RELL1: variants seen among roughly 807,000 people sequenced by gnomAD.
RELL1 encodes the protein RELT like 1, also known as RELT-like protein 1.
A neutral mutation model predicts 23.0 loss-of-function variants in RELL1; 10 were observed. That is an observed-to-expected ratio of 0.43 (90% CI 0.27 to 0.74). RELL1 has a LOEUF of 0.74. Among genes scored for constraint, RELL1 ranks in the 30% least tolerant of loss-of-function variants. The pLI, the probability that RELL1 is intolerant of heterozygous loss-of-function variation, is 0.19. For missense variants in RELL1, 315 were observed against 364.4 expected, an observed-to-expected ratio of 0.86 and a Z score of 1.10; for synonymous variants, 146 against 146.8, an observed-to-expected ratio of 0.99 and a Z score of 0.04.
chr4:37,646,709 A>G lies in RELL1; in HGVS notation c.385+659T>C, dbSNP rs75784501. Among the ~76,000 whole-genome samples the G allele has an allele frequency of 5.3e-3, 804 of 152,158 alleles. 7 individuals carry two copies. Among genetic ancestry groups the G allele is most frequent in the African/African-American group, 0.018 (759 of 41,506 alleles). ...ATGTCCCAACAATGCTGTGAAGTAA[A>G]TATTATTATTATTATTGTTTCTTAT... On this transcript the variant is annotated intron_variant, in intron 3 of 6. Coordinates refer to ENST00000454158, the MANE Select transcript of RELL1 (RefSeq NM_001085400.2).
chr4:37,628,163 G>T (rs1720013930), intron 6 of RELL1, among the ~76,000 whole-genome samples: 1 of 152,020 alleles, frequency 6.6e-6, no homozygotes, highest in Non-Finnish European at 1.5e-5. Context: ...ATCAGATAGG[G>T]CCACCCAGCA....
downstream of RELL1, among the ~76,000 whole-genome samples, chr4:37,605,827 G>GA (rs1156849511): frequency 9.1e-6 from 1 of 109,870 alleles, no homozygotes; most frequent in African/African-American, 2.9e-5. Flanking sequence ...AAGAAAGAAA[G>GA]AAAGAAAGAA....
chr4:37,665,641 G>A (rs1721506478), intron 1 of RELL1, among the ~76,000 whole-genome samples: 1 of 152,202 alleles, frequency 6.6e-6, no homozygotes, highest in Non-Finnish European at 1.5e-5. Flanking sequence ...TAAACTATGG[G>A]AGGAAGTCTA....
At chr4:37,663,696 A>G (rs987085909) in intron 1 of RELL1, among the ~76,000 whole-genome samples, 1 of 152,170 alleles carries the variant, frequency 6.6e-6, no homozygotes. Flanking sequence ...GGAGGACAGG[A>G]TCCAACCCAG....
intron 6 of RELL1, among the ~76,000 whole-genome samples, chr4:37,596,898 G>C (rs781446983): frequency 6.6e-6 from 1 of 150,842 alleles, no homozygotes; most frequent in Non-Finnish European, 1.5e-5. Context: ...ACAGGCACGC[G>C]CCACCACGCC....
intron 1 of RELL1, among the ~76,000 whole-genome samples, chr4:37,669,295 G>A (rs528322449): frequency 2.8e-5 from 4 of 142,754 alleles, no homozygotes; most frequent in Admixed American, 2.1e-4. Context: ...GCCTCTGCCC[G>A]GCCGCCTCTA....
intron 6 of RELL1, among the ~76,000 whole-genome samples, chr4:37,600,775 T>TTGTGTGTG (rs1164247377): frequency 1.5e-4 from 8 of 54,732 alleles, no homozygotes; most frequent in African/African-American, 6.5e-4. Context: ...TAGTATGGAT[T>TTGTGTGTG]TGTGCGTGTG....
At chr4:37,677,278 TG>T (rs1722051565) in intron 1 of RELL1, among the ~76,000 whole-genome samples, 1 of 152,202 alleles carries the variant, frequency 6.6e-6, no homozygotes, top group African/African-American at 2.4e-5. Flanking sequence ...TCTAACAGAA[TG>T]GGAAGAGTCC....
At chr4:37,642,748 C>T (rs1720571927) in intron 3 of RELL1, among the ~76,000 whole-genome samples, 1 of 152,178 alleles carries the variant, frequency 6.6e-6, no homozygotes, top group Admixed American at 6.5e-5. Context: ...GAACTTTCAG[C>T]CCTACCCAGG....
At chr4:37,596,736 ATTTTTTTTTTT>A (rs1178565372) in intron 6 of RELL1, among the ~76,000 whole-genome samples, 11 of 16,498 alleles carry the variant, frequency 6.7e-4, no homozygotes, top group African/African-American at 1.4e-3. Context: ...ATATATATAT[ATTTTTTTTTTT>A]TTTTTTTTTT....
chr4:37,669,666 C>T (rs997846700), intron 1 of RELL1, among the ~76,000 whole-genome samples: 3 of 152,114 alleles, frequency 2.0e-5, no homozygotes, highest in Non-Finnish European at 2.9e-5. Context: ...ACATGGGAGA[C>T]TTTTCATTTT....
At chr4:37,616,233 T>C (rs1719570443) in intron 6 of RELL1, among the ~76,000 whole-genome samples, 1 of 152,182 alleles carries the variant, frequency 6.6e-6, no homozygotes, top group Non-Finnish European at 1.5e-5. Context: ...ATTCCTATTT[T>C]CATAGGAGGA....
chr4:37,623,919 C>T (rs977023579), intron 6 of RELL1, among the ~76,000 whole-genome samples: 3 of 152,042 alleles, frequency 2.0e-5, no homozygotes, highest in South Asian at 2.1e-4. Flanking sequence ...GAAAAAATTA[C>T]AGCTAGAGAG....
intron 1 of RELL1, among the ~76,000 whole-genome samples, chr4:37,654,260 T>C (rs1010329338): frequency 6.6e-6 from 1 of 152,242 alleles, no homozygotes; most frequent in African/African-American, 2.4e-5. Context: ...AGTTCCTCAG[T>C]TGCATTAGCC....
intron 1 of RELL1, among the ~76,000 whole-genome samples, chr4:37,658,209 G>A (rs1577595468): frequency 2.0e-5 from 3 of 152,080 alleles, no homozygotes; most frequent in African/African-American, 7.2e-5. Flanking sequence ...GCTGAGATGT[G>A]CACCCCAAAT....
downstream of RELL1, among the ~76,000 whole-genome samples, chr4:37,587,064 G>A (rs1396119714): frequency 6.6e-6 from 1 of 152,174 alleles, no homozygotes; most frequent in Non-Finnish European, 1.5e-5. Flanking sequence ...GAGGCTCCAG[G>A]GGTGAATCTG....
At chr4:37,602,854 C>T (rs189014079) in intron 6 of RELL1, among the ~76,000 whole-genome samples, 1 of 152,296 alleles carries the variant, frequency 6.6e-6, no homozygotes, top group Non-Finnish European at 1.5e-5. Flanking sequence ...CAGCATTCAG[C>T]GCGCGGGGTT....
At chr4:37,586,917 C>CAAACA (rs1054504354), downstream of RELL1, among the ~76,000 whole-genome samples, 16 of 152,026 alleles carry the variant, frequency 1.1e-4, no homozygotes, top group African/African-American at 2.9e-4. Flanking sequence ...CTCAAAAAAA[C>CAAACA]AAACAAAACA....
rs1335258154 is a variant in RELL1 at position 37,670,697 on chromosome 4, AGTAGCTGGGACTACAGGCAC to A, written c.88+15483_88+15502del. On this transcript the variant is annotated intron_variant, in intron 1 of 6. Transcript: ENST00000454158. The stretch of plus-strand genomic sequence containing the variant: ...GTGATTCTCCTGTCTCAGCCTCCCA[AGTAGCTGGGACTACAGGCAC>A]GTGCCACCATGCCCAGCTGATTTTT... Among the ~76,000 whole-genome samples the A allele has an allele frequency of 1.4e-3, 220 of 151,918 alleles. 1 individual carries two copies. The highest frequency in any genetic ancestry group is 6.4e-3 in the South Asian group (31 of 4,814).
Sources: allele counts gnomAD v4.1 joint callset (sites outside exome capture counted in the v4.1 genomes callset), GRCh38; gene constraint gnomAD v4.1.1; transcripts MANE v1.5; gene names NCBI Gene and HGNC (gene_info 2026-07-23, HGNC 2026-07-21).